The following ATCAY variants were observed in gnomAD, a reference collection of about 807,000 sequenced individuals.
ATCAY encodes ATCAY kinesin light chain interacting caytaxin.
Under a neutral mutation model 47.7 loss-of-function variants are expected in ATCAY, and 22 were observed. That is an observed-to-expected ratio of 0.46 (90% CI 0.33 to 0.66). ATCAY has a LOEUF of 0.66. ATCAY is among the 30% of genes least tolerant of loss of function. The pLI is 0.02. For missense variants in ATCAY, 452 were observed against 515.0 expected (o/e 0.88, Z 1.18); for synonymous variants, 216 against 207.6 (o/e 1.04, Z -0.35).
At chr19:3,898,553 T>C (rs1040843417) in intron 2 of ATCAY, among the ~76,000 whole-genome samples, 9 of 152,216 alleles carry the variant, frequency 5.9e-5, no homozygotes, top group African/African-American at 2.2e-4. Context: ...CTGAGCATGA[T>C]GTCCTCAAGG....
At chr19:3,916,212 C>A (rs1599146288) in intron 9 of ATCAY, among the ~76,000 whole-genome samples, 1 of 152,174 alleles carries the variant, frequency 6.6e-6, no homozygotes, top group South Asian at 2.1e-4. Flanking sequence ...CACATTGTAG[C>A]CTGTGTCAGA....
Position 3,907,850 on chromosome 19 carries a change from A to T in ATCAY, c.475A>T (p.Ile159Phe). The T allele has an allele frequency of 6.2e-7, 1 of 1,613,980 alleles. No homozygotes were observed. Among genetic ancestry groups the T allele is most frequent in the Non-Finnish European group, 8.5e-7 (1 of 1,179,864 alleles). ...ANGRLWRTVI[I>F]GEQEHRIDLH... ...CGGGCGCCTGTGGCGGACAGTGATC[A>T]TCGGGGAGCAAGAGCACCGTATAGA... Residue 159 changes from isoleucine (I) to phenylalanine (F), a missense_variant, in exon 5 of 13, where the codon ATC becomes TTC. Ile to Phe is a conservative substitution (Grantham distance 21, BLOSUM62 0). Transcript: ENST00000450849. The surrounding 1 kb of genome is among the most constrained non-coding windows in gnomAD (Gnocchi z 5.1).
intron 5 of ATCAY, 130 bp downstream of exon 5, chr19:3,908,049 G>A (rs1599289353): frequency 7.7e-7 from 1 of 1,290,584 alleles, no homozygotes; most frequent in Non-Finnish European, 1.1e-6. Context: ...GACGGACTGT[G>A]GGCAAGGCGT....
chr19:3,882,022 C>A (rs2038606297), intron 1 of ATCAY, among the ~76,000 whole-genome samples: 1 of 151,856 alleles, frequency 6.6e-6, no homozygotes, highest in East Asian at 1.9e-4. Flanking sequence ...TTTAGCCGTC[C>A]CCTCCCCCCA....
chr19:3,916,069 CT>C (rs891543170), intron 9 of ATCAY, among the ~76,000 whole-genome samples: 11 of 152,158 alleles, frequency 7.2e-5, no homozygotes, highest in Admixed American at 5.9e-4. Flanking sequence ...ATCCCAACCC[CT>C]GGCAGCCCCC....
rs2039050928 is a variant in ATCAY at position 3,924,609 on chromosome 19, C to T, written c.*17C>T. 1 of 1,613,526 alleles carries T rather than the reference C, an allele frequency of 6.2e-7. No homozygotes were observed. The highest frequency in any genetic ancestry group is 1.3e-5 in the African/African-American group (1 of 74,894). On this transcript the variant is annotated 3_prime_UTR_variant, in exon 13 of 13. Coordinates refer to ENST00000450849, the MANE Select transcript of ATCAY (RefSeq NM_033064.5). Reference sequence around the variant, plus strand: ...ATGTCCTGAGGCGACGTGAGCATAACAAAGGACATGGAAGAAGATTCCAGA... The same window carrying T: ...ATGTCCTGAGGCGACGTGAGCATAATAAAGGACATGGAAGAAGATTCCAGA...
intron 10 of ATCAY, 50 bp downstream of exon 10, chr19:3,917,827 T>G (rs1328950526): frequency 6.3e-7 from 1 of 1,592,058 alleles, no homozygotes; most frequent in Admixed American, 1.8e-5. Context: ...AGCGGGGGGC[T>G]GAGCTGAACT....
At chr19:3,882,937 G>A (rs117321618) in intron 1 of ATCAY, among the ~76,000 whole-genome samples, 2,482 of 151,628 alleles carry the variant, frequency 0.016, 67 homozygotes, top group East Asian at 0.059. Context: ...ACCCACCATT[G>A]TGCTTGGTTA....
rs77532904 is a variant in ATCAY at position 3,916,166 on chromosome 19, C to T, written c.966-1576C>T. Among the ~76,000 whole-genome samples the T allele has an allele frequency of 9.6e-3, 1,469 of 152,278 alleles. 17 individuals are homozygous for T. The highest frequency in any genetic ancestry group is 0.064 in the East Asian group (331 of 5,178). On this transcript the variant is annotated intron_variant, in intron 9 of 12. Transcript: ENST00000450849. The stretch of plus-strand genomic sequence containing the variant: ...ACAGGATTTGTCCTTTTGTGTCTGA[C>T]GTCTCTCACTGAGCGTGACATCCTC...
intron 2 of ATCAY, 77 bp downstream of exon 2, chr19:3,885,921 G>T: frequency 1.4e-6 from 2 of 1,467,802 alleles, no homozygotes; most frequent in East Asian, 2.5e-5. Flanking sequence ...AGCGGCCCGG[G>T]TCTCTCTCTA....
chr19:3,908,735 T>TCCTCCTCCCCCTCTTCCCCTTCCCTCG (rs2038891827), intron 6 of ATCAY, among the ~76,000 whole-genome samples: 1 of 87,468 alleles, frequency 1.1e-5, no homozygotes, highest in Non-Finnish European at 2.3e-5. Flanking sequence ...CCCTTCCCTC[T>TCCTCCTCCCCCTCTTCCCCTTCCCTCG]CCTCCTCCCC....
intron 9 of ATCAY, among the ~76,000 whole-genome samples, chr19:3,916,062 C>T (rs2038964113): frequency 6.6e-6 from 1 of 152,116 alleles, no homozygotes; most frequent in South Asian, 2.1e-4. Flanking sequence ...ATTCCACATC[C>T]CAACCCCTGG....
chr19:3,897,628 C>A (rs1022595490), intron 2 of ATCAY, among the ~76,000 whole-genome samples: 2 of 151,936 alleles, frequency 1.3e-5, no homozygotes, highest in African/African-American at 2.4e-5. Flanking sequence ...TGAGGTGAGG[C>A]CAAGTACAGT....
chr19:3,888,595 A>C (rs2038685874), intron 2 of ATCAY, among the ~76,000 whole-genome samples: 1 of 151,974 alleles, frequency 6.6e-6, no homozygotes, highest in African/African-American at 2.4e-5. Context: ...GCGCCACTGG[A>C]CTCCAGCCCG....
chr19:3,916,050 C>G (rs1000248597), intron 9 of ATCAY, among the ~76,000 whole-genome samples: 2 of 152,130 alleles, frequency 1.3e-5, no homozygotes, highest in Non-Finnish European at 2.9e-5. Flanking sequence ...CACTCACTCC[C>G]CATTCCACAT....
intron 1 of ATCAY, among the ~76,000 whole-genome samples, chr19:3,884,286 C>CTAAA (rs113861636): frequency 5.3e-4 from 80 of 151,596 alleles, no homozygotes; most frequent in African/African-American, 1.2e-3. Context: ...GACCCCGTCT[C>CTAAA]TAAATAAATA....
At chr19:3,918,650 A>T (rs575981989) in intron 10 of ATCAY, among the ~76,000 whole-genome samples, 156 bp from the exon 11 acceptor site, 1 of 152,322 alleles carries the variant, frequency 6.6e-6, no homozygotes, top group South Asian at 2.1e-4. Context: ...TTGGTCCCAG[A>T]AGTTTTCTCA....
intron 2 of ATCAY, among the ~76,000 whole-genome samples, chr19:3,887,702 G>T (rs530320309): frequency 6.7e-6 from 1 of 150,372 alleles, no homozygotes; most frequent in Non-Finnish European, 1.5e-5. Context: ...TAGCCAGGAT[G>T]GTCTCGATCG....
Position 3,907,971 on chromosome 19 carries a change from C to T in ATCAY, c.544+52C>T. On this transcript the variant is annotated intron_variant, in intron 5 of 12. Coordinates refer to ENST00000450849, the MANE Select transcript of ATCAY (RefSeq NM_033064.5). This position sits in a 1 kb window ranked among gnomAD's most constrained non-coding sequence, Gnocchi z 5.1. ...TGGGGCTCCAGCCCGGCCCACTGGG[C>T]AACAGGGGGTTCGTCAGTGCCCCTC... 4 of 1,579,848 alleles carry T rather than the reference C, an allele frequency of 2.5e-6. No homozygotes were observed. Among genetic ancestry groups the T allele is most frequent in the South Asian group, 1.1e-5 (1 of 87,940 alleles).
Sources: gnomAD v4.1 joint callset for allele counts (sites outside exome capture counted in the v4.1 genomes callset) on GRCh38, gnomAD v4.1.1 for gene constraint, Gnocchi (gnomAD v3.1) non-coding constraint, MANE v1.5 for transcripts, NCBI Gene and HGNC (gene_info 2026-07-23, HGNC 2026-07-21) for gene names.